SKA3: variants seen among roughly 807,000 people sequenced by gnomAD.
SKA3 encodes the protein spindle and kinetochore-associated protein 3.
Under a neutral mutation model 44.2 loss-of-function variants are expected in SKA3, and 39 were observed. The ratio of observed to expected loss-of-function variants is 0.88; its 90% CI spans 0.68 to 1.15. SKA3 has a LOEUF of 1.15. Ranked by LOEUF, SKA3 falls within the 50% of genes most tolerant of loss-of-function variation. The pLI is 0.00. For synonymous variants in SKA3, 192 were observed against 172.0 expected (o/e 1.12, Z -0.91); for missense variants, 511 against 485.8 (o/e 1.05, Z -0.49).
In SKA3 at chr13:21,161,758, T is replaced by C. The variant is rs1297506360; in HGVS notation, c.829+32A>G. 3.5e-6 allele frequency: 4 copies of C among 1,129,786 alleles called. No individual in the cohort carries two copies. The African/African-American group carries it at 4.4e-5, about 13-fold the overall frequency. 70.0% of individuals were successfully genotyped at this position (1,129,786 alleles called of 1,614,324 possible). On this transcript the variant is annotated intron_variant, in intron 5 of 8. Transcript: ENST00000314759. ...GTTCAAAGATAGTTTGGGAAAAATG[T>C]TCCTGAGAAGTAACTTGATTCTTAT... is the stretch of plus-strand genomic sequence containing the variant.
chr13:21,168,227 T>C lies in SKA3; in HGVS notation c.504A>G (p.Val168=), dbSNP rs771227956. 1 of 1,614,218 alleles carries C rather than the reference T, an allele frequency of 6.2e-7. No homozygotes were observed. The highest frequency in any genetic ancestry group is 8.5e-7 in the Non-Finnish European group (1 of 1,180,042). The part of the protein sequence containing the change: ...LSDFGLERYI[V]SQVLPNPPQA... ...GTGGAGGGTTTGGTAGAACTTGGGATACGATGTACCGCTCAAGTCCAAAAT... is the reference window on the plus strand; with the variant it reads ...GTGGAGGGTTTGGTAGAACTTGGGACACGATGTACCGCTCAAGTCCAAAAT... Residue 168 remains valine (V), a synonymous_variant, in exon 4 of 9, where the codon GTA becomes GTG. Coordinates refer to ENST00000314759, the MANE Select transcript of SKA3 (RefSeq NM_145061.6).
chr13:21,172,002 A>C (rs1264761918), intron 3 of SKA3, among the ~76,000 whole-genome samples: 1 of 152,260 alleles, frequency 6.6e-6, no homozygotes. Context: ...TTTTATTGGC[A>C]GGGCTAACTA....
intron 1 of SKA3, among the ~76,000 whole-genome samples, chr13:21,174,020 A>G (rs1871254424): frequency 6.6e-6 from 1 of 152,248 alleles, no homozygotes; most frequent in African/African-American, 2.4e-5. Context: ...AGAGAAATGC[A>G]AATCAAAACC....
rs1006199881 is a variant in SKA3, at chr13:21,154,814, C to T, written c.*336G>A. ...GCCAGAAGGTCAGGGGCGGCCTCAT[C>T]TGAGTAGCAAACACCTTTATATTTT... On this transcript the variant is annotated 3_prime_UTR_variant, in exon 9 of 9. Coordinates refer to ENST00000314759, the MANE Select transcript of SKA3 (RefSeq NM_145061.6). 1.5e-4 allele frequency: 60 copies of T among 411,096 alleles called. No individual in the cohort carries two copies. The highest frequency in any genetic ancestry group is 1.7e-4 in the Non-Finnish European group (39 of 223,942). 25.5% of individuals were successfully genotyped at this position (411,096 alleles called of 1,614,324 possible).
intron 3 of SKA3, 26 bp from the exon 4 acceptor site, chr13:21,168,425 G>A: frequency 4.3e-5 from 50 of 1,159,360 alleles, no homozygotes; most frequent in Middle Eastern, 4.5e-4. Flanking sequence ...AGAATATTCT[G>A]GTCAAACTCA....
chr13:21,169,936 CCTGAAA>C (rs1447589352), intron 3 of SKA3, among the ~76,000 whole-genome samples: 1 of 152,168 alleles, frequency 6.6e-6, no homozygotes, highest in Non-Finnish European at 1.5e-5. Flanking sequence ...CTGCACCTGG[CCTGAAA>C]CTGTATTTTA....
At position 21,155,120 on chromosome 13, in the gene SKA3, G is replaced by C. The variant is rs1040814919; in HGVS notation, c.*30C>G. 1 of 1,612,330 alleles carries C rather than the reference G, an allele frequency of 6.2e-7. No homozygotes were observed. The highest frequency in any genetic ancestry group is 1.3e-5 in the African/African-American group (1 of 74,862). The stretch of plus-strand genomic sequence containing the variant: ...CTCGGCTTTCATCTCATTTTGTTCA[G>C]TTTCTGTGTTGGATAGATCCACTGG... On this transcript the variant is annotated 3_prime_UTR_variant, in exon 9 of 9. Coordinates refer to ENST00000314759, the MANE Select transcript of SKA3 (RefSeq NM_145061.6).
chr13:21,158,370 CCCAGCACTTTGGGA>C (rs1403808681), intron 6 of SKA3, among the ~76,000 whole-genome samples: 4 of 152,102 alleles, frequency 2.6e-5, no homozygotes, highest in African/African-American at 9.7e-5. Flanking sequence ...TGCCTGTAAT[CCCAGCACTTTGGGA>C]GGCCGAGGTG....
At chr13:21,163,857 G>A (rs1428730726) in intron 4 of SKA3, among the ~76,000 whole-genome samples, 3 of 152,134 alleles carry the variant, frequency 2.0e-5, no homozygotes, top group Admixed American at 6.5e-5. Context: ...TCCATCTCCT[G>A]GGTTCAAACA....
chr13:21,167,668 G>A (rs546341447), intron 4 of SKA3, among the ~76,000 whole-genome samples: 1 of 151,758 alleles, frequency 6.6e-6, no homozygotes, highest in South Asian at 2.1e-4. Flanking sequence ...TCGGGAGGGT[G>A]AGGCAGGAGA....
rs760448803 is a variant in SKA3, at chr13:21,176,424, C to T, written c.54G>A (p.Leu18=). The part of the protein sequence containing the change: ...CGKLRSLAST[L]DCETARLQRA... Reference sequence around the variant, plus strand: ...GCTGCAGCCGGGCCGTCTCGCAGTCCAGCGTGCTGGCCAGAGACCGCAGCT... The same window carrying T: ...GCTGCAGCCGGGCCGTCTCGCAGTCTAGCGTGCTGGCCAGAGACCGCAGCT... The change falls in exon 1 of 9, where the codon CTG becomes CTA. Residue 18 remains leucine, a synonymous_variant. Coordinates refer to ENST00000314759, the MANE Select transcript of SKA3 (RefSeq NM_145061.6). The T allele has an allele frequency of 3.8e-6, 6 of 1,586,628 alleles. No individual in the cohort carries two copies. The South Asian group carries it at 6.8e-5, about 18-fold the overall frequency.
intron 1 of SKA3, among the ~76,000 whole-genome samples, chr13:21,175,920 TTAAA>T (rs1871482064): frequency 6.6e-6 from 1 of 152,204 alleles, no homozygotes; most frequent in South Asian, 2.1e-4. Flanking sequence ...GTAAAGAACG[TTAAA>T]TAGCTTGATT....
intron 3 of SKA3, among the ~76,000 whole-genome samples, chr13:21,170,750 C>A (rs2137379445): frequency 6.6e-6 from 1 of 152,128 alleles, no homozygotes; most frequent in South Asian, 2.1e-4. Context: ...TATTATTATC[C>A]CCATCTTATA....
chr13:21,176,286 G>T, intron 1 of SKA3, 89 bp downstream of exon 1: 1 of 1,016,198 alleles, frequency 9.8e-7, no homozygotes, highest in Non-Finnish European at 1.3e-6. Context: ...AGTGCCTGGC[G>T]GTTCCCGTGG....
At chr13:21,155,196 G>A in intron 8 of SKA3, 46 bp from the exon 9 acceptor site, 1 of 1,372,200 alleles carries the variant, frequency 7.3e-7, no homozygotes, top group Non-Finnish European at 9.7e-7. Context: ...AAAATTAAAA[G>A]CCATTAAGAC....
intron 4 of SKA3, among the ~76,000 whole-genome samples, chr13:21,164,398 T>C (rs191275518): frequency 1.3e-5 from 2 of 152,350 alleles, no homozygotes; most frequent in Admixed American, 6.5e-5. Flanking sequence ...TAAACACCAC[T>C]GTGCCAAAAT....
chr13:21,161,747 TG>T, intron 5 of SKA3, 42 bp downstream of exon 5: 1 of 1,138,998 alleles, frequency 8.8e-7, no homozygotes, highest in South Asian at 1.9e-5. Flanking sequence ...AAAGATAGTT[TG>T]GGAAAAATGT....
chr13:21,160,911 T>C (rs1226596867), intron 5 of SKA3, among the ~76,000 whole-genome samples: 1 of 152,046 alleles, frequency 6.6e-6, no homozygotes, highest in Non-Finnish European at 1.5e-5. Context: ...ATCGCTTGAG[T>C]CCAGGAGTTT....
At position 21,154,498 on chromosome 13, in the gene SKA3, T is replaced by C. The variant is rs760081853; in HGVS notation, c.*652A>G. 1.3e-5 allele frequency: 2 copies of C among 153,210 alleles called. No individual in the cohort carries two copies. Among genetic ancestry groups the C allele is most frequent in the Non-Finnish European group, 2.9e-5 (2 of 68,816 alleles). 9.5% of individuals were successfully genotyped at this position (153,210 alleles called of 1,614,324 possible). A position where few individuals can be genotyped will look rare whatever the true frequency, so the allele number is the denominator to read the frequency against. ...TGCCATGTGATAGAAAGAGCTGACA[T>C]AAGAGAAAAGACCCCCACACAGTGA... On this transcript the variant is annotated 3_prime_UTR_variant, in exon 9 of 9. Coordinates refer to ENST00000314759, the MANE Select transcript of SKA3 (RefSeq NM_145061.6).
Sources: allele counts gnomAD v4.1 joint callset (sites outside exome capture counted in the v4.1 genomes callset), GRCh38; gene constraint gnomAD v4.1.1; transcripts MANE v1.5; gene names NCBI Gene and HGNC (gene_info 2026-07-23, HGNC 2026-07-21).